C1orf21: variants seen among roughly 807,000 people sequenced by gnomAD.
The protein encoded by C1orf21 is uncharacterized protein C1orf21.
C1orf21 carries 3 observed loss-of-function variants against 18.7 expected under a neutral mutation model. That is an observed-to-expected ratio of 0.16 (90% CI 0.07 to 0.42). The LOEUF (loss-of-function observed/expected upper bound fraction) is 0.42. Ranked by LOEUF, C1orf21 falls within the 10% of genes least tolerant of loss-of-function variation. The pLI is 0.99. For synonymous variants in C1orf21, 41 were observed against 46.4 expected, an observed-to-expected ratio of 0.88 and a Z score of 0.47; for missense variants, 104 against 143.6, an observed-to-expected ratio of 0.72 and a Z score of 1.41.
At chr1:184,397,233 A>C (rs1246692816) in intron 1 of C1orf21, among the ~76,000 whole-genome samples, 3 of 152,190 alleles carry the variant, frequency 2.0e-5, no homozygotes, top group Admixed American at 1.3e-4. Flanking sequence ...TCTGTTATTA[A>C]ATAGATGTGG....
intron 1 of C1orf21, among the ~76,000 whole-genome samples, chr1:184,391,066 T>C (rs1655964954): frequency 1.3e-5 from 2 of 152,186 alleles, no homozygotes; most frequent in Admixed American, 6.5e-5. Flanking sequence ...TTTTTTAAAG[T>C]AGGCAATTAT....
At chr1:184,422,674 A>G (rs1174332277) in intron 1 of C1orf21, among the ~76,000 whole-genome samples, 1 of 152,194 alleles carries the variant, frequency 6.6e-6, no homozygotes, top group Non-Finnish European at 1.5e-5. Context: ...TGCGGTAGAT[A>G]ATTGGAAGTC....
intron 1 of C1orf21, among the ~76,000 whole-genome samples, chr1:184,439,083 T>G (rs1392568550): frequency 6.6e-6 from 1 of 152,000 alleles, no homozygotes; most frequent in Non-Finnish European, 1.5e-5. Flanking sequence ...TGGTGGTGCA[T>G]GCCTGTAATC....
Position 184,598,393 on chromosome 1 carries a change from T to A in C1orf21, c.267-8T>A. ...AAAATATGCACTTAACTACCCTTTGTTTTTCAGCATGCACATCTCTGAAAG... is the reference window on the plus strand; with the variant it reads ...AAAATATGCACTTAACTACCCTTTGATTTTCAGCATGCACATCTCTGAAAG... On this transcript the variant is annotated splice_polypyrimidine_tract_variant and splice_region_variant and intron_variant, in intron 4 of 5. Coordinates refer to ENST00000235307, the MANE Select transcript of C1orf21 (RefSeq NM_030806.4). 1.9e-6 allele frequency: 3 copies of A among 1,612,908 alleles called. No individual in the cohort carries two copies. Among genetic ancestry groups the A allele is most frequent in the Non-Finnish European group, 2.5e-6 (3 of 1,179,688 alleles).
In C1orf21 at chr1:184,577,947, G is replaced by GTTTTTTTT. The variant is rs201196718; in HGVS notation, c.190-12787_190-12786insTTTTTTTT. ...TCTTTGTCCGTTTGTTTTTTGTTTTGTTTTTGTTTTTTTTTTTTTTTTTTG... is the reference window on the plus strand; with the variant it reads ...TCTTTGTCCGTTTGTTTTTTGTTTTGTTTTTTTTTTTTTGTTTTTTTTTTTTTTTTTTG... On this transcript the variant is annotated intron_variant, in intron 3 of 5. Transcript: ENST00000235307. 1.4e-4 allele frequency among the ~76,000 whole-genome samples: 12 copies of GTTTTTTTT among 86,718 alleles called. 1 individual carries two copies. Among genetic ancestry groups the GTTTTTTTT allele is most frequent in the African/African-American group, 3.9e-4 (7 of 18,102 alleles). The allele number at this position is 86,718 out of a possible 152,430, so 56.9% of individuals were successfully genotyped here.
intron 1 of C1orf21, among the ~76,000 whole-genome samples, chr1:184,430,850 G>A (rs968743703): frequency 6.6e-6 from 1 of 152,182 alleles, no homozygotes; most frequent in Non-Finnish European, 1.5e-5. Context: ...GATGGGGATA[G>A]CATTGAATCT....
intron 1 of C1orf21, among the ~76,000 whole-genome samples, chr1:184,445,758 A>G (rs1657020427): frequency 6.6e-6 from 1 of 152,198 alleles, no homozygotes; most frequent in Non-Finnish European, 1.5e-5. Flanking sequence ...TGTTTCTCAT[A>G]GGTGCATTTT....
intron 1 of C1orf21, among the ~76,000 whole-genome samples, chr1:184,419,957 C>T (rs956841183): frequency 6.6e-6 from 1 of 152,146 alleles, no homozygotes; most frequent in African/African-American, 2.4e-5. Context: ...AGGGAAATGA[C>T]ATATTCTGCC....
intron 1 of C1orf21, among the ~76,000 whole-genome samples, chr1:184,460,620 G>GTCT (rs201481780): frequency 0.032 from 3,573 of 111,930 alleles, 58 homozygotes; most frequent in Non-Finnish European, 0.033. Flanking sequence ...TGTCGTCGTC[G>GTCT]TCTTCTTCTT....
chr1:184,403,427 A>G (rs763904489), intron 1 of C1orf21, among the ~76,000 whole-genome samples: 4 of 152,256 alleles, frequency 2.6e-5, no homozygotes, highest in Non-Finnish European at 4.4e-5. Context: ...GAAGACTGCT[A>G]AGAAAAGCAG....
chr1:184,569,965 C>T (rs1379022082), intron 3 of C1orf21, among the ~76,000 whole-genome samples: 1 of 152,182 alleles, frequency 6.6e-6, no homozygotes, highest in Non-Finnish European at 1.5e-5. Flanking sequence ...ACACTGCAGT[C>T]TGGTCTATCC....
In C1orf21 at chr1:184,487,563, C is replaced by G. The variant is rs16823266; in HGVS notation, c.94+9960C>G. ...ATAACACATTGATATTAAGTCCAAACCAACATTTGCTCAGAAGTCTTTGAG... is the reference window on the plus strand; with the variant it reads ...ATAACACATTGATATTAAGTCCAAAGCAACATTTGCTCAGAAGTCTTTGAG... On this transcript the variant is annotated intron_variant, in intron 2 of 5. Transcript: ENST00000235307. 7.6e-3 allele frequency among the ~76,000 whole-genome samples: 1,158 copies of G among 152,286 alleles called. 16 individuals are homozygous for G. Among genetic ancestry groups the G allele is most frequent in the African/African-American group, 0.027 (1,102 of 41,550 alleles).
At chr1:184,482,291 G>A (rs1278513291) in intron 2 of C1orf21, among the ~76,000 whole-genome samples, 8 of 152,246 alleles carry the variant, frequency 5.3e-5, no homozygotes, top group East Asian at 3.9e-4. Flanking sequence ...TTTTCAGCCC[G>A]GCTTCCAAGA....
At chr1:184,478,529 G>A (rs1657606700) in intron 2 of C1orf21, among the ~76,000 whole-genome samples, 1 of 152,136 alleles carries the variant, frequency 6.6e-6, no homozygotes, top group African/African-American at 2.4e-5. Context: ...CATTCCTTGA[G>A]ACAACCGTCA....
chr1:184,618,198 C>G (rs751340450), intron 5 of C1orf21, among the ~76,000 whole-genome samples: 1 of 152,104 alleles, frequency 6.6e-6, no homozygotes, highest in Admixed American at 6.5e-5. Flanking sequence ...CGTGAGCCAC[C>G]GTGTCCAGCC....
At chr1:184,516,728 A>G (rs1386317708) in intron 3 of C1orf21, among the ~76,000 whole-genome samples, 5 of 152,248 alleles carry the variant, frequency 3.3e-5, no homozygotes, top group Admixed American at 3.3e-4. Flanking sequence ...AACTGCCCCC[A>G]TGATTCAATT....
At chr1:184,589,339 C>G (rs142789590) in intron 3 of C1orf21, among the ~76,000 whole-genome samples, 2 of 152,210 alleles carry the variant, frequency 1.3e-5, no homozygotes, top group African/African-American at 4.8e-5. Context: ...TTTAAAAACA[C>G]GTGAATGACT....
rs1658036313 is a variant in C1orf21 at position 184,505,301 on chromosome 1, A to G, written c.95-2287A>G. ...ATCATAGAATCCACTTGTGATACAT[A>G]AAGAAATATATATATATATATATAT... On this transcript the variant is annotated intron_variant, in intron 2 of 5. Transcript: ENST00000235307. Among the ~76,000 whole-genome samples, 3 of 115,322 alleles carry G rather than the reference A, an allele frequency of 2.6e-5. No homozygotes were observed. In the South Asian group the frequency reaches 8.0e-4, roughly 31 times the overall value. The allele number at this position is 115,322 out of a possible 152,430, so 75.7% of individuals were successfully genotyped here. A position where few individuals can be genotyped will look rare whatever the true frequency, so the allele number is the denominator to read the frequency against.
At chr1:184,486,185 T>C (rs1657730209) in intron 2 of C1orf21, among the ~76,000 whole-genome samples, 1 of 152,222 alleles carries the variant, frequency 6.6e-6, no homozygotes, top group African/African-American at 2.4e-5. Flanking sequence ...GAGAAGGTGC[T>C]CAAAATATGT....
Sources: allele counts gnomAD v4.1 joint callset (sites outside exome capture counted in the v4.1 genomes callset), GRCh38; gene constraint gnomAD v4.1.1; transcripts MANE v1.5; gene names NCBI Gene and HGNC (gene_info 2026-07-23, HGNC 2026-07-21).